The following BRME1 variants were observed in gnomAD, a reference collection of about 807,000 sequenced individuals.
BRME1 encodes the protein break repair meiotic recombinase recruitment factor 1, also known as BRCA2 and MEILB2-associating protein 1.
Under a neutral mutation model 52.6 loss-of-function variants are expected in BRME1, and 31 were observed. That is an observed-to-expected ratio of 0.59 (90% CI 0.44 to 0.80). BRME1 has a LOEUF of 0.80. BRME1 is among the 30% of genes least tolerant of loss of function. The pLI is 0.00. For synonymous variants in BRME1, 359 were observed against 353.6 expected, an observed-to-expected ratio of 1.02 and a Z score of -0.17; for missense variants, 804 against 860.3, an observed-to-expected ratio of 0.93 and a Z score of 0.82.
chr19:13,886,011 G>A lies in BRME1; in HGVS notation c.1713C>T (p.Pro571=). Residue 571 remains proline, a synonymous_variant, in exon 7 of 9, where the codon CCC becomes CCT. Transcript: ENST00000586783. ...CAGGGTCTCCATTGGCATGTGAGCT[G>A]GGGCCCGGCCAGCAAGGGCCCGGCT... ...GNKPGPCWPG[P]SSHANGDPVA... 1 of 1,614,016 alleles carries A rather than the reference G, an allele frequency of 6.2e-7. No homozygotes were observed. The highest frequency in any genetic ancestry group is 8.5e-7 in the Non-Finnish European group (1 of 1,180,022).
At position 13,893,256 on chromosome 19, in the gene BRME1, T is replaced by C. The variant is rs186219224; in HGVS notation, c.207-33A>G. ...GGAAAAGATAAAACTGAAGGAGATC[T>C]GCCCGGGTGCGGTGGCTCACACCTG... is the stretch of plus-strand genomic sequence containing the variant. On this transcript the variant is annotated intron_variant, in intron 3 of 8. Transcript: ENST00000586783. The C allele has an allele frequency of 1.9e-6, 3 of 1,541,104 alleles. No homozygotes were observed. The African/African-American group carries it at 4.1e-5, about 21-fold the overall frequency.
chr19:13,900,845 T>A (rs943656398), intron 2 of BRME1, among the ~76,000 whole-genome samples: 4 of 151,128 alleles, frequency 2.6e-5, no homozygotes, highest in Admixed American at 2.6e-4. Flanking sequence ...CTAATTTTTG[T>A]GTTTTTAGTA....
chr19:13,891,679 G>C (rs1278493398), intron 5 of BRME1, among the ~76,000 whole-genome samples: 8 of 151,688 alleles, frequency 5.3e-5, no homozygotes, highest in Admixed American at 5.2e-4. Context: ...ATGTTGCCCA[G>C]GCTGGTCTTG....
intron 2 of BRME1, among the ~76,000 whole-genome samples, chr19:13,899,646 T>C (rs1970162982): frequency 6.6e-6 from 1 of 152,088 alleles, no homozygotes; most frequent in African/African-American, 2.4e-5. Flanking sequence ...CCCCATCAGG[T>C]GCCCACCTCA....
In BRME1 at chr19:13,889,962, G is replaced by A; in HGVS notation, c.894C>T (p.Cys298=). 1 of 1,612,594 alleles carries A rather than the reference G, an allele frequency of 6.2e-7. No homozygotes were observed. The highest frequency in any genetic ancestry group is 1.7e-5 in the Admixed American group (1 of 60,020). The part of the protein sequence containing the change: ...PAPGLGPASW[C]LEPGSVAQGS... ...CCTGGGCCACAGACCCGGGTTCCAGGCACCAAGAGGCAGGGCCCAGTCCTG... is the reference window on the plus strand; with the variant it reads ...CCTGGGCCACAGACCCGGGTTCCAGACACCAAGAGGCAGGGCCCAGTCCTG... The change falls in exon 6 of 9, where the codon TGC becomes TGT. Residue 298 remains cysteine, a synonymous_variant. Transcript: ENST00000586783.
chr19:13,887,820 G>C (rs530724297), intron 6 of BRME1, among the ~76,000 whole-genome samples: 8 of 151,460 alleles, frequency 5.3e-5, no homozygotes, highest in African/African-American at 1.7e-4. Flanking sequence ...CTGGAGTGCA[G>C]TGGTGTAATC....
chr19:13,903,039 G>A (rs1196806767), intron 2 of BRME1, among the ~76,000 whole-genome samples: 1 of 152,058 alleles, frequency 6.6e-6, no homozygotes, highest in Non-Finnish European at 1.5e-5. Context: ...GTCAACATTA[G>A]GGAAAGCTTG....
chr19:13,895,941 T>G (rs1969857821), intron 2 of BRME1, among the ~76,000 whole-genome samples: 1 of 152,234 alleles, frequency 6.6e-6, no homozygotes, highest in Non-Finnish European at 1.5e-5. Context: ...GCGATGTGTC[T>G]TCTTCTGGCA....
intron 2 of BRME1, among the ~76,000 whole-genome samples, chr19:13,902,938 AAAAGTCTAG>A (rs1230678347): frequency 1.3e-5 from 2 of 151,980 alleles, no homozygotes; most frequent in Non-Finnish European, 2.9e-5. Flanking sequence ...AAAAAAAAAA[AAAAGTCTAG>A]AAGCAGTGTA....
In BRME1 at chr19:13,886,016, C is replaced by T; in HGVS notation, c.1708G>A (p.Gly570Ser). 1 of 1,613,998 alleles carries T rather than the reference C, an allele frequency of 6.2e-7. No homozygotes were observed. Among genetic ancestry groups the T allele is most frequent in the South Asian group, 1.1e-5 (1 of 91,078 alleles). ...SGNKPGPCWP[G>S]PSSHANGDPV... is the part of the protein sequence containing the mutation. ...TCTCCATTGGCATGTGAGCTGGGGC[C>T]CGGCCAGCAAGGGCCCGGCTTGTTC... Residue 570 changes from glycine (G) to serine (S), a missense_variant, in exon 7 of 9, where the codon GGC becomes AGC. Gly to Ser is a moderately conservative substitution (Grantham distance 56, BLOSUM62 0). Transcript: ENST00000586783.
At chr19:13,884,237 G>A (rs1018912825) in intron 7 of BRME1, among the ~76,000 whole-genome samples, 5 of 152,192 alleles carry the variant, frequency 3.3e-5, no homozygotes, top group African/African-American at 1.2e-4. Context: ...CTACTCAGGA[G>A]GATGAAGTGG....
In BRME1 at chr19:13,889,646, C is replaced by T. The variant is rs766283631; in HGVS notation, c.1210G>A (p.Asp404Asn). ...AGGACATCGCCGGGGGGCTTGCCATCCTGCCCTGCCTCCCCACTTTCTCCT... is the reference window on the plus strand; with the variant it reads ...AGGACATCGCCGGGGGGCTTGCCATTCTGCCCTGCCTCCCCACTTTCTCCT... The part of the protein sequence containing the change: ...TTGESGEAGQ[D>N]GKPPGDVLVG... Residue 404 changes from aspartate to asparagine, a missense_variant, in exon 6 of 9, where the codon GAT (aspartate) becomes AAT (asparagine). Transcript: ENST00000586783. 1.2e-6 allele frequency: 2 copies of T among 1,608,848 alleles called. No individual in the cohort carries two copies. The highest frequency in any genetic ancestry group is 1.3e-5 in the African/African-American group (1 of 74,980).
chr19:13,889,979 C>A lies in BRME1; in HGVS notation c.877G>T (p.Gly293Cys). 1 of 1,612,790 alleles carries A rather than the reference C, an allele frequency of 6.2e-7. No individual in the cohort carries two copies. Among genetic ancestry groups the A allele is most frequent in the Non-Finnish European group, 8.5e-7 (1 of 1,179,964 alleles). The stretch of plus-strand genomic sequence containing the variant: ...GGTTCCAGGCACCAAGAGGCAGGGC[C>A]CAGTCCTGGAGCAGGGCCTGAGGTA... ...APTSGPAPGL[G>C]PASWCLEPGS... The change falls in exon 6 of 9, where the codon GGC becomes TGC. Residue 293 changes from glycine to cysteine, a missense_variant. Gly to Cys is a radical substitution (Grantham distance 159). This residue lies in a region of BRME1 where 552 missense variants were observed against 561.1 expected (regional missense o/e 0.98). Transcript: ENST00000586783.
chr19:13,898,923 C>CAAAAAA (rs1159325305), intron 2 of BRME1, among the ~76,000 whole-genome samples: 8 of 67,716 alleles, frequency 1.2e-4, no homozygotes, highest in Non-Finnish European at 2.5e-4. Context: ...AACTCCATCT[C>CAAAAAA]AAAAAAAAAA....
In BRME1 at chr19:13,883,077, A is replaced by G. The variant is rs1968756911; in HGVS notation, c.1857-125T>C. On this transcript the variant is annotated intron_variant, in intron 8 of 8. Transcript: ENST00000586783. The surrounding 1 kb of genome is among the most constrained non-coding windows in gnomAD (Gnocchi z 4.2). ...ACACACACGGCTCACACACGTGCAC[A>G]TAACCAGAAAGGGCCTGTTGTAGCA... is the stretch of plus-strand genomic sequence containing the variant. 1 of 1,269,944 alleles carries G rather than the reference A, an allele frequency of 7.9e-7. No homozygotes were observed. The highest frequency in any genetic ancestry group is 1.5e-5 in the African/African-American group (1 of 66,494). 78.7% of individuals were successfully genotyped at this position (1,269,944 alleles called of 1,614,324 possible). A position where few individuals can be genotyped will look rare whatever the true frequency, so the allele number is the denominator to read the frequency against.
In BRME1 at chr19:13,892,816, A is replaced by G; in HGVS notation, c.363T>C (p.Asp121=). 9.9e-6 allele frequency: 16 copies of G among 1,614,150 alleles called. No individual in the cohort carries two copies. The highest frequency in any genetic ancestry group is 1.4e-5 in the Non-Finnish European group (16 of 1,180,004). ...KTVTRKEEMK[D]EDRGSGAFSL... ...TAAAGGCCCCACTCCCACGGTCCTC[A>G]TCCTTCATCTCTTCTTTTCTTGTCA... The change falls in exon 5 of 9, where the codon GAT becomes GAC. Residue 121 remains aspartate, a synonymous_variant. Coordinates refer to ENST00000586783, the MANE Select transcript of BRME1 (RefSeq NM_001345843.2).
chr19:13,892,720 C>T (rs1173935548), intron 5 of BRME1, 66 bp downstream of exon 5: 7 of 1,330,664 alleles, frequency 5.3e-6, no homozygotes, highest in Non-Finnish European at 7.5e-6. Flanking sequence ...TTAAATGGGG[C>T]TGCCGAGGCT....
chr19:13,890,152 TC>T lies in BRME1; in HGVS notation c.703del (p.Glu235AsnfsTer108), dbSNP rs1354302142. 6.2e-7 allele frequency: 1 copy of T among 1,614,038 alleles called. No individual in the cohort carries two copies. Among genetic ancestry groups the T allele is most frequent in the African/African-American group, 1.3e-5 (1 of 74,912 alleles). ...TTCAGAATCAATGCTTGGTAGGTGT[TC>T]CTTTTGGCCACCGTCACCTGGAACC... ...DRVPGDGGQK[E>X]HLPSIDSEGE... is the part of the protein sequence containing the mutation. On this transcript the variant is annotated frameshift_variant, in exon 6 of 9. Coordinates refer to ENST00000586783, the MANE Select transcript of BRME1 (RefSeq NM_001345843.2). LOFTEE classifies it high-confidence loss of function.
intron 6 of BRME1, among the ~76,000 whole-genome samples, chr19:13,886,381 C>G (rs1475129025): frequency 4.6e-5 from 7 of 152,262 alleles, no homozygotes; most frequent in Non-Finnish European, 1.0e-4. Context: ...ATCTCTGGCC[C>G]TGACACCACT....
Sources: allele counts gnomAD v4.1 joint callset (sites outside exome capture counted in the v4.1 genomes callset), GRCh38; gene constraint gnomAD v4.1.1; regional missense constraint gnomAD v4.1.1; non-coding constraint Gnocchi (gnomAD v3.1); transcripts MANE v1.5; gene names NCBI Gene and HGNC (gene_info 2026-07-23, HGNC 2026-07-21).